The following ZDHHC14 variants were observed in gnomAD, a reference collection of about 807,000 sequenced individuals.
ZDHHC14 encodes the protein palmitoyltransferase ZDHHC14.
ZDHHC14 carries 16 observed loss-of-function variants against 47.7 expected under a neutral mutation model. The observed-to-expected ratio is 0.34, with a 90% CI of 0.23 to 0.51. The LOEUF (loss-of-function observed/expected upper bound fraction) is 0.51, where lower values mean the gene tolerates loss of function less well. Ranked by LOEUF, ZDHHC14 falls within the 20% of genes least tolerant of loss-of-function variation. The pLI is 0.97. For synonymous variants in ZDHHC14, 293 were observed against 278.9 expected (o/e 1.05, Z -0.50); for missense variants, 515 against 662.5 (o/e 0.78, Z 2.44).
intron 1 of ZDHHC14, among the ~76,000 whole-genome samples, chr6:157,400,738 C>T (rs531568514): frequency 3.3e-5 from 5 of 152,298 alleles, no homozygotes; most frequent in Middle Eastern, 3.4e-3. Flanking sequence ...ATTCCAGCCA[C>T]GAACCTATGA....
At chr6:157,590,306 C>T (rs971331927) in intron 2 of ZDHHC14, among the ~76,000 whole-genome samples, 2 of 152,192 alleles carry the variant, frequency 1.3e-5, no homozygotes, top group African/African-American at 2.4e-5. Flanking sequence ...TGTCAGAGAC[C>T]TTCATGGCAG....
intron 1 of ZDHHC14, among the ~76,000 whole-genome samples, chr6:157,485,052 G>A (rs544972662): frequency 5.4e-4 from 82 of 152,038 alleles, no homozygotes; most frequent in African/African-American, 1.7e-3. Flanking sequence ...AGACGAGATC[G>A]CGCCACCGCA....
At chr6:157,622,216 C>CAAAAAAAAAAAAAAA (rs35681787) in intron 3 of ZDHHC14, among the ~76,000 whole-genome samples, 2 of 93,894 alleles carry the variant, frequency 2.1e-5, no homozygotes, top group African/African-American at 3.8e-5. Flanking sequence ...ACTAAAAATA[C>CAAAAAAAAAAAAAAA]AAAAAAAAAA....
At chr6:157,518,839 C>T (rs1780802244) in intron 1 of ZDHHC14, among the ~76,000 whole-genome samples, 1 of 152,246 alleles carries the variant, frequency 6.6e-6, no homozygotes. Flanking sequence ...ATTCCCAGCG[C>T]ATTCTTGTGA....
intron 1 of ZDHHC14, among the ~76,000 whole-genome samples, chr6:157,419,464 C>A (rs1053435592): frequency 6.6e-6 from 1 of 152,208 alleles, no homozygotes; most frequent in African/African-American, 2.4e-5. Flanking sequence ...CCCATACACC[C>A]TCCCCATCCT....
chr6:157,449,475 G>A (rs920252539), intron 1 of ZDHHC14, among the ~76,000 whole-genome samples: 40 of 152,220 alleles, frequency 2.6e-4, no homozygotes, highest in African/African-American at 9.1e-4. Context: ...TGGGGAAAAC[G>A]TCATCACAGT....
intron 3 of ZDHHC14, among the ~76,000 whole-genome samples, chr6:157,610,960 G>A (rs1784728877): frequency 6.6e-6 from 1 of 152,222 alleles, no homozygotes; most frequent in African/African-American, 2.4e-5. Flanking sequence ...GGAGACTTCT[G>A]TCAAATATGC....
chr6:157,553,213 G>A (rs1782316934), intron 2 of ZDHHC14, among the ~76,000 whole-genome samples: 1 of 152,164 alleles, frequency 6.6e-6, no homozygotes, highest in South Asian at 2.1e-4. Flanking sequence ...AGATTCCCTG[G>A]GGGATGGTGG....
At chr6:157,424,955 A>G (rs1778187768) in intron 1 of ZDHHC14, among the ~76,000 whole-genome samples, 1 of 151,984 alleles carries the variant, frequency 6.6e-6, no homozygotes, top group Non-Finnish European at 1.5e-5. Flanking sequence ...GTCCATAGCC[A>G]GCCACACTGC....
At chr6:157,633,231 TG>T (rs1776796082) in intron 5 of ZDHHC14, among the ~76,000 whole-genome samples, 1 of 152,180 alleles carries the variant, frequency 6.6e-6, no homozygotes, top group Non-Finnish European at 1.5e-5. Context: ...CATGTAGGGA[TG>T]CCCACGTGTG....
intron 1 of ZDHHC14, among the ~76,000 whole-genome samples, chr6:157,406,779 C>T (rs932469212): frequency 3.9e-5 from 6 of 152,328 alleles, no homozygotes; most frequent in East Asian, 3.9e-4. Flanking sequence ...GAACAAACCG[C>T]GCAGCTGAAC....
chr6:157,492,324 T>C (rs1318006752), intron 1 of ZDHHC14, among the ~76,000 whole-genome samples: 1 of 151,992 alleles, frequency 6.6e-6, no homozygotes, highest in Non-Finnish European at 1.5e-5. Context: ...TCCAGCCACC[T>C]TGCCCTTCTT....
intron 1 of ZDHHC14, among the ~76,000 whole-genome samples, chr6:157,405,629 GTAA>G (rs1777740596): frequency 6.6e-6 from 1 of 152,090 alleles, no homozygotes; most frequent in African/African-American, 2.4e-5. Flanking sequence ...AATAATAATG[GTAA>G]TGATGATGTG....
chr6:157,524,240 T>G (rs1476519940), intron 1 of ZDHHC14, among the ~76,000 whole-genome samples: 2 of 152,100 alleles, frequency 1.3e-5, no homozygotes, highest in Non-Finnish European at 2.9e-5. Flanking sequence ...AGAATTCTCC[T>G]GCCTCAGTCT....
intron 2 of ZDHHC14, among the ~76,000 whole-genome samples, chr6:157,572,038 A>T (rs1783119323): frequency 6.6e-6 from 1 of 151,918 alleles, no homozygotes; most frequent in Non-Finnish European, 1.5e-5. Flanking sequence ...CTGGGAGGAG[A>T]CGCTGAGATG....
chr6:157,484,994 G>A (rs1373043014), intron 1 of ZDHHC14, among the ~76,000 whole-genome samples: 1 of 152,198 alleles, frequency 6.6e-6, no homozygotes, highest in African/African-American at 2.4e-5. Flanking sequence ...CTACTCGGGA[G>A]GCTGAGGCAG....
At chr6:157,559,785 G>A (rs1183965413) in intron 2 of ZDHHC14, among the ~76,000 whole-genome samples, 1 of 152,214 alleles carries the variant, frequency 6.6e-6, no homozygotes, top group African/African-American at 2.4e-5. Context: ...GATTTACAGA[G>A]AGAGAATTAG....
chr6:157,592,033 G>A (rs2114890544), intron 2 of ZDHHC14, among the ~76,000 whole-genome samples: 1 of 152,126 alleles, frequency 6.6e-6, no homozygotes, highest in South Asian at 2.1e-4. Context: ...TCTTGGCAAG[G>A]CTAATAGGGC....
chr6:157,472,199 G>A (rs1174899019), intron 1 of ZDHHC14, among the ~76,000 whole-genome samples: 1 of 152,128 alleles, frequency 6.6e-6, no homozygotes, highest in Admixed American at 6.5e-5. Context: ...GCTATTAGGG[G>A]CTGACTGTGG....
Sources: gnomAD v4.1 joint callset for allele counts (sites outside exome capture counted in the v4.1 genomes callset) on GRCh38, gnomAD v4.1.1 for gene constraint, MANE v1.5 for transcripts, NCBI Gene and HGNC (gene_info 2026-07-23, HGNC 2026-07-21) for gene names.